BTF3L4: variants seen among roughly 807,000 people sequenced by gnomAD.
The protein encoded by BTF3L4 is transcription factor BTF3 homolog 4.
BTF3L4 carries 6 observed loss-of-function variants against 16.8 expected under a neutral mutation model. The ratio of observed to expected loss-of-function variants is 0.36; its 90% confidence interval spans 0.20 to 0.71. The LOEUF (loss-of-function observed/expected upper bound fraction) is 0.71. Among genes scored for constraint, BTF3L4 ranks in the 30% least tolerant of loss-of-function variants. The pLI is 0.58. For synonymous variants in BTF3L4, 39 were observed against 59.8 expected (o/e 0.65, Z 1.60); for missense variants, 92 against 186.9 (o/e 0.49, Z 2.96).
intron 4 of BTF3L4, 55 bp downstream of exon 4, chr1:52,083,596 A>G (rs1572032870): frequency 7.2e-7 from 1 of 1,392,798 alleles, no homozygotes; most frequent in East Asian, 2.3e-5. Flanking sequence ...AAAGAACCTA[A>G]TCATTTAAAA....
At chr1:52,079,897 G>C (rs1643902578) in intron 3 of BTF3L4, among the ~76,000 whole-genome samples, 1 of 131,630 alleles carries the variant, frequency 7.6e-6, no homozygotes, top group Non-Finnish European at 1.6e-5. Flanking sequence ...TTTGAGACAG[G>C]GTCTCGCTCT....
At chr1:52,059,719 T>C (rs1235017986) in intron 1 of BTF3L4, 116 bp from the exon 2 acceptor site, 2 of 675,992 alleles carry the variant, frequency 3.0e-6, no homozygotes, top group African/African-American at 3.6e-5. Context: ...AGTATTAATA[T>C]GGTCATGGTG....
intron 3 of BTF3L4, among the ~76,000 whole-genome samples, chr1:52,068,164 T>A (rs570669977): frequency 6.6e-6 from 1 of 152,328 alleles, no homozygotes; most frequent in Admixed American, 6.5e-5. Context: ...TGTTTTACAT[T>A]GAAATAAGGA....
intron 3 of BTF3L4, among the ~76,000 whole-genome samples, chr1:52,082,879 A>G (rs1043526080): frequency 6.6e-6 from 1 of 152,066 alleles, no homozygotes; most frequent in African/African-American, 2.4e-5. Context: ...TTCTTTATGG[A>G]TTTTTAGTGG....
At chr1:52,071,838 G>T (rs943746393) in intron 3 of BTF3L4, among the ~76,000 whole-genome samples, 1 of 151,754 alleles carries the variant, frequency 6.6e-6, no homozygotes, top group East Asian at 1.9e-4. Flanking sequence ...GAGTAAAAGG[G>T]AAGCACCATG....
rs1643993802 is a variant in BTF3L4, at chr1:52,088,765, A to G, written c.*2007A>G. On this transcript the variant is annotated 3_prime_UTR_variant, in exon 6 of 6. Coordinates refer to ENST00000313334, the MANE Select transcript of BTF3L4 (RefSeq NM_152265.5). Reference sequence around the variant, plus strand: ...TACTCTGAAATTTATCATCAGTCAAATAAGATTTTATTCTGTTTTGTTTTG... The same window carrying G: ...TACTCTGAAATTTATCATCAGTCAAGTAAGATTTTATTCTGTTTTGTTTTG... 1 of 152,104 alleles carries G rather than the reference A, an allele frequency of 6.6e-6. No homozygotes were observed. Among genetic ancestry groups the G allele is most frequent in the Non-Finnish European group, 1.5e-5 (1 of 68,016 alleles). 9.4% of individuals were successfully genotyped at this position (152,104 alleles called of 1,614,324 possible).
chr1:52,056,972 G>A (rs1686381187), intron 1 of BTF3L4, among the ~76,000 whole-genome samples: 1 of 152,238 alleles, frequency 6.6e-6, no homozygotes, highest in Admixed American at 6.5e-5. Context: ...CATTCTTGCA[G>A]TTTACCATAG....
At chr1:52,067,483 G>T (rs1449784184) in intron 3 of BTF3L4, among the ~76,000 whole-genome samples, 5 of 152,094 alleles carry the variant, frequency 3.3e-5, no homozygotes, top group Non-Finnish European at 7.4e-5. Context: ...AGCTTCATTT[G>T]TAAGACCTGA....
chr1:52,069,154 G>T (rs772826260), intron 3 of BTF3L4, among the ~76,000 whole-genome samples: 50 of 152,226 alleles, frequency 3.3e-4, no homozygotes, highest in South Asian at 1.2e-3. Flanking sequence ...CAGGATAGTT[G>T]TACAGGGAAA....
intron 3 of BTF3L4, among the ~76,000 whole-genome samples, chr1:52,066,686 TAAAAA>T (rs547590841): frequency 6.8e-6 from 1 of 146,272 alleles, no homozygotes; most frequent in Non-Finnish European, 1.5e-5. Flanking sequence ...TACTAAAAAT[TAAAAA>T]AAAAATTAGC....
intron 3 of BTF3L4, among the ~76,000 whole-genome samples, chr1:52,072,718 C>T (rs754215708): frequency 7.9e-5 from 12 of 152,100 alleles, no homozygotes; most frequent in Non-Finnish European, 1.8e-4. Flanking sequence ...TTTTATCCAT[C>T]CTTATTGGCA....
chr1:52,080,519 GTTTTTTTTTTTTTTTT>G (rs753783341), intron 3 of BTF3L4, among the ~76,000 whole-genome samples: 8 of 70,232 alleles, frequency 1.1e-4, no homozygotes, highest in Non-Finnish European at 1.4e-4. Flanking sequence ...GGTTTTTTGG[GTTTTTTTTTTTTTTTT>G]TTTTTTTTTT....
In BTF3L4 at chr1:52,069,975, G is replaced by C. The variant is rs533224144; in HGVS notation, c.168+5037G>C. Among the ~76,000 whole-genome samples, 103 of 152,208 alleles carry C rather than the reference G, an allele frequency of 6.8e-4. No individual in the cohort carries two copies. The South Asian group carries it at 9.1e-3, about 13-fold the overall frequency. On this transcript the variant is annotated intron_variant, in intron 3 of 5. Transcript: ENST00000313334. The stretch of plus-strand genomic sequence containing the variant: ...CTCACTCCTGTAATCGTAGCACTTT[G>C]GGAGGCCAAAGCAGGTGGATCACCT...
At chr1:52,062,492 G>A (rs940375771) in intron 2 of BTF3L4, among the ~76,000 whole-genome samples, 4 of 152,064 alleles carry the variant, frequency 2.6e-5, no homozygotes, top group African/African-American at 4.8e-5. Context: ...GAGCCACCGC[G>A]CTCGGCCGGT....
chr1:52,065,457 G>A (rs1686622307), intron 3 of BTF3L4: 1 of 151,894 alleles, frequency 6.6e-6, no homozygotes, highest in South Asian at 2.1e-4. Flanking sequence ...GTAGAGACGG[G>A]GTTTCACCAT....
At chr1:52,080,836 C>CTTTTTTT (rs34697464) in intron 3 of BTF3L4, among the ~76,000 whole-genome samples, 1 of 83,588 alleles carries the variant, frequency 1.2e-5, no homozygotes, top group Non-Finnish European at 2.3e-5. Flanking sequence ...GCTCGGCCTT[C>CTTTTTTT]TTTTTTTTTT....
At chr1:52,078,234 T>TTTA (rs780282949) in intron 3 of BTF3L4, among the ~76,000 whole-genome samples, 1 of 150,434 alleles carries the variant, frequency 6.6e-6, no homozygotes, top group Non-Finnish European at 1.5e-5. Flanking sequence ...TTTTGCTTTT[T>TTTA]TTTTTTTTTG....
chr1:52,070,739 G>T (rs1490276005), intron 3 of BTF3L4, among the ~76,000 whole-genome samples: 1 of 148,020 alleles, frequency 6.8e-6, no homozygotes, highest in Non-Finnish European at 1.5e-5. Flanking sequence ...CTGGGTTCAA[G>T]CAATTCTCAT....
chr1:52,060,743 G>A (rs1686487653), intron 2 of BTF3L4: 1 of 416,474 alleles, frequency 2.4e-6, no homozygotes, highest in Non-Finnish European at 3.3e-6. Context: ...ATGAGCACAA[G>A]GGAAGGGAAG....
Sources: allele counts gnomAD v4.1 joint callset (sites outside exome capture counted in the v4.1 genomes callset), GRCh38; gene constraint gnomAD v4.1.1; transcripts MANE v1.5; gene names NCBI Gene and HGNC (gene_info 2026-07-23, HGNC 2026-07-21).